Variants in RBMS3 observed in about 807,000 individuals in gnomAD.
The protein encoded by RBMS3 is RNA binding motif single stranded interacting protein 3.
RBMS3 carries 27 observed loss-of-function variants against 66.8 expected under a neutral mutation model. The observed-to-expected ratio is 0.40, with a 90% CI of 0.30 to 0.56. The LOEUF (loss-of-function observed/expected upper bound fraction) is 0.56. Ranked by LOEUF, RBMS3 falls within the 20% of genes least tolerant of loss-of-function variation. The probability of loss-of-function intolerance (pLI) is 0.40; values close to 1 mark genes in which losing one functional copy is unlikely to be tolerated. For synonymous variants in RBMS3, 188 were observed against 183.0 expected (o/e 1.03, Z -0.22); for missense variants, 513 against 549.5 (o/e 0.93, Z 0.66).
At chr3:29,526,399 T>C (rs1323701686) in intron 3 of RBMS3, 1 of 151,470 alleles carries the variant, frequency 6.6e-6, no homozygotes, top group Non-Finnish European at 1.5e-5. Context: ...TGGGTGCCTG[T>C]AGTCCCAGCT....
At chr3:29,670,309 G>C (rs113745061) in intron 4 of RBMS3, among the ~76,000 whole-genome samples, 17,363 of 152,128 alleles carry the variant, frequency 0.11, 2,150 homozygotes, top group African/African-American at 0.31. Flanking sequence ...CAAATAGGAA[G>C]AGCTCCAGTC....
intron 4 of RBMS3, among the ~76,000 whole-genome samples, chr3:29,649,920 C>T (rs1224362891): frequency 6.6e-6 from 1 of 152,146 alleles, no homozygotes. Context: ...CCACATTAAA[C>T]TGGCAAAGAT....
At chr3:29,632,232 T>C (rs1273533035) in intron 4 of RBMS3, among the ~76,000 whole-genome samples, 1 of 151,932 alleles carries the variant, frequency 6.6e-6, no homozygotes, top group East Asian at 1.9e-4. Context: ...AGCAACTTTC[T>C]AAAAACCATC....
intron 12 of RBMS3, among the ~76,000 whole-genome samples, chr3:29,959,564 G>A (rs1014373272): frequency 6.6e-6 from 1 of 152,082 alleles, no homozygotes; most frequent in African/African-American, 2.4e-5. Context: ...GTGTGAATGG[G>A]GAAAGGATAA....
chr3:29,299,429 T>G (rs775440710), intron 1 of RBMS3, among the ~76,000 whole-genome samples: 1 of 151,866 alleles, frequency 6.6e-6, no homozygotes, highest in Non-Finnish European at 1.5e-5. Flanking sequence ...TAACCATGAA[T>G]GAAAACAATG....
chr3:29,361,165 T>C (rs969491315), intron 1 of RBMS3, among the ~76,000 whole-genome samples: 1 of 152,110 alleles, frequency 6.6e-6, no homozygotes, highest in Non-Finnish European at 1.5e-5. Flanking sequence ...CAATTTAGCA[T>C]GTTTTTGCAG....
At chr3:29,902,922 G>A (rs1309836863) in intron 10 of RBMS3, among the ~76,000 whole-genome samples, 1 of 151,890 alleles carries the variant, frequency 6.6e-6, no homozygotes, top group African/African-American at 2.4e-5. Flanking sequence ...AGAGCGCAAT[G>A]ACCTTGATCT....
intron 2 of RBMS3, among the ~76,000 whole-genome samples, chr3:29,452,990 C>T (rs1434812246): frequency 3.3e-5 from 5 of 152,096 alleles, no homozygotes; most frequent in Non-Finnish European, 5.9e-5. Context: ...GCATTCTGGA[C>T]GTATAGAACC....
intron 4 of RBMS3, among the ~76,000 whole-genome samples, chr3:29,725,802 G>A (rs1559609005): frequency 1.3e-5 from 2 of 152,084 alleles, no homozygotes; most frequent in African/African-American, 4.8e-5. Flanking sequence ...TGGTGCCATT[G>A]TTTCAGAAAC....
At chr3:29,707,815 T>G (rs1385407582) in intron 4 of RBMS3, among the ~76,000 whole-genome samples, 1 of 152,230 alleles carries the variant, frequency 6.6e-6, no homozygotes, top group East Asian at 1.9e-4. Context: ...TAAGTCCATT[T>G]GAGAAAAGAC....
intron 1 of RBMS3, among the ~76,000 whole-genome samples, chr3:29,389,675 T>A (rs1438907470): frequency 6.6e-6 from 1 of 152,232 alleles, no homozygotes; most frequent in Non-Finnish European, 1.5e-5. Context: ...TGAAGTTCTC[T>A]GTGCTGATAA....
At chr3:29,938,903 A>G (rs956174107) in intron 11 of RBMS3, among the ~76,000 whole-genome samples, 1 of 151,930 alleles carries the variant, frequency 6.6e-6, no homozygotes, top group Non-Finnish European at 1.5e-5. Context: ...CATCCCAGAG[A>G]TGTTGTGAGT....
chr3:29,804,773 A>G (rs11917588), intron 6 of RBMS3, among the ~76,000 whole-genome samples: 73,651 of 151,886 alleles, frequency 0.48, 18,559 homozygotes, highest in African/African-American at 0.55. Flanking sequence ...TGAAACCTCA[A>G]TTTGCATAAT....
intron 5 of RBMS3, among the ~76,000 whole-genome samples, chr3:29,760,546 G>T (rs1021627752): frequency 2.6e-5 from 4 of 151,876 alleles, no homozygotes; most frequent in African/African-American, 9.7e-5. Flanking sequence ...TCCCATTCAT[G>T]TCTCTGCTAG....
chr3:29,877,778 T>C lies in RBMS3; in HGVS notation c.745-6384T>C, dbSNP rs572448154. On this transcript the variant is annotated intron_variant, in intron 7 of 14. Coordinates refer to ENST00000383767, the MANE Select transcript of RBMS3 (RefSeq NM_001003793.3). ...CGGTAAAATTCTACCACTTGACTCT[T>C]ATGAAGGTCAGAAGGTGATCTGCTC... Among the ~76,000 whole-genome samples, 344 of 152,292 alleles carry C rather than the reference T, an allele frequency of 2.3e-3. 6 individuals carry two copies. The highest frequency in any genetic ancestry group is 7.8e-4 in the Non-Finnish European group (53 of 68,028).
chr3:29,492,554 G>C (rs1474703965), intron 3 of RBMS3, among the ~76,000 whole-genome samples: 1 of 152,118 alleles, frequency 6.6e-6, no homozygotes, highest in Non-Finnish European at 1.5e-5. Flanking sequence ...TAATGGGATG[G>C]GAAATGATAC....
intron 6 of RBMS3, among the ~76,000 whole-genome samples, chr3:29,826,113 A>G (rs2058205225): frequency 6.6e-6 from 1 of 152,166 alleles, no homozygotes; most frequent in Non-Finnish European, 1.5e-5. Context: ...AGTGTTATAT[A>G]CTGATGGCAT....
At chr3:29,533,595 G>A (rs1387703780) in intron 3 of RBMS3, among the ~76,000 whole-genome samples, 1 of 152,074 alleles carries the variant, frequency 6.6e-6, no homozygotes, top group Non-Finnish European at 1.5e-5. Flanking sequence ...GGCCAACATG[G>A]TGAAACCCCA....
At chr3:29,796,733 G>A (rs1163913567) in intron 6 of RBMS3, among the ~76,000 whole-genome samples, 3 of 69,594 alleles carry the variant, frequency 4.3e-5, no homozygotes, top group Admixed American at 1.3e-4. Flanking sequence ...TTTTTTTGGA[G>A]ATGGAGTCTT....
Sources: allele counts gnomAD v4.1 joint callset (sites outside exome capture counted in the v4.1 genomes callset), GRCh38; gene constraint gnomAD v4.1.1; transcripts MANE v1.5; gene names NCBI Gene and HGNC (gene_info 2026-07-23, HGNC 2026-07-21).